Variants in EPM2A observed in about 807,000 individuals in gnomAD.
The protein encoded by EPM2A is laforin.
In EPM2A, 21 loss-of-function variants were observed where a neutral mutation model predicts 26.5. The observed-to-expected ratio is 0.79, with a 90% CI of 0.56 to 1.14. The LOEUF (loss-of-function observed/expected upper bound fraction) is 1.14. Among genes scored for constraint, EPM2A ranks in the 50% most tolerant of loss-of-function variants. The pLI, the probability that EPM2A is intolerant of heterozygous loss-of-function variation, is 0.00. For missense variants in EPM2A, 458 were observed against 440.8 expected (o/e 1.04, Z -0.35); for synonymous variants, 217 against 177.6 (o/e 1.22, Z -1.76).
intron 2 of EPM2A, among the ~76,000 whole-genome samples, chr6:145,517,708 C>A (rs1780148374): frequency 6.6e-6 from 1 of 152,126 alleles, no homozygotes; most frequent in East Asian, 1.9e-4. Context: ...AACAATGAAG[C>A]ACTAAGTGCA....
At chr6:145,386,907 TG>T (rs1448539698) in intron 4 of EPM2A, among the ~76,000 whole-genome samples, 3 of 152,206 alleles carry the variant, frequency 2.0e-5, no homozygotes, top group Non-Finnish European at 4.4e-5. Flanking sequence ...TAAAGTAGTC[TG>T]TTTTGTTTAA....
chr6:145,408,295 G>A (rs1238942784), intron 4 of EPM2A, among the ~76,000 whole-genome samples: 3 of 152,134 alleles, frequency 2.0e-5, no homozygotes, highest in African/African-American at 7.2e-5. Context: ...AGTAACAGCT[G>A]TACTACCCAG....
At position 145,627,508 on chromosome 6, in the gene EPM2A, C is replaced by A; in HGVS notation, c.904G>T (p.Ala302Ser). 1 of 1,614,266 alleles carries A rather than the reference C, an allele frequency of 6.2e-7. No homozygotes were observed. The highest frequency in any genetic ancestry group is 8.5e-7 in the Non-Finnish European group (1 of 1,180,040). ...VQYFLMAKRP[A>S]VYIDEEALAR... ...AAGGCCTCTTCGTCAATGTAGACAG[C>A]CGGCCTCTTGGCCATGAGGAAATAC... Residue 302 changes from alanine to serine, a missense_variant, in exon 4 of 4, where the codon GCT (alanine) becomes TCT (serine). Physicochemically the swap from Ala to Ser is moderately conservative, Grantham distance 99. Transcript: ENST00000367519.
At chr6:145,442,009 A>G (rs1430640375) in intron 4 of EPM2A, among the ~76,000 whole-genome samples, 2 of 152,236 alleles carry the variant, frequency 1.3e-5, no homozygotes, top group African/African-American at 4.8e-5. Context: ...ACAAATCTCT[A>G]GGGCAGGGGC....
At chr6:145,529,562 C>T (rs1362374844) in intron 2 of EPM2A, among the ~76,000 whole-genome samples, 4 of 152,162 alleles carry the variant, frequency 2.6e-5, no homozygotes, top group Non-Finnish European at 5.9e-5. Context: ...AGACATAATG[C>T]TATTACACAT....
intron 2 of EPM2A, among the ~76,000 whole-genome samples, chr6:145,663,705 A>G (rs1389522729): frequency 7.2e-6 from 1 of 138,926 alleles, no homozygotes; most frequent in Non-Finnish European, 1.5e-5. Context: ...TCCAAGACAC[A>G]TAATTGTCAG....
At chr6:145,423,280 T>C (rs548195249) in intron 4 of EPM2A, among the ~76,000 whole-genome samples, 1 of 152,300 alleles carries the variant, frequency 6.6e-6, no homozygotes, top group African/African-American at 2.4e-5. Flanking sequence ...GAGGCAGTAA[T>C]TTCTCAGCTT....
chr6:145,389,435 G>A (rs913131465), intron 4 of EPM2A, among the ~76,000 whole-genome samples: 1 of 151,984 alleles, frequency 6.6e-6, no homozygotes, highest in African/African-American at 2.4e-5. Flanking sequence ...CGGGTGATCT[G>A]CCTGCTTTGG....
intron 4 of EPM2A, among the ~76,000 whole-genome samples, chr6:145,458,418 C>A (rs1779288604): frequency 2.6e-5 from 4 of 152,146 alleles, no homozygotes; most frequent in South Asian, 2.1e-4. Flanking sequence ...CAGAGAACAA[C>A]CATTTTGGTT....
chr6:145,490,467 T>C lies in EPM2A; in HGVS notation c.555+12055A>G, dbSNP rs529552615. 8.3e-6 allele frequency: 6 copies of C among 722,480 alleles called. No individual in the cohort carries two copies. The East Asian group carries it at 1.6e-4, about 19-fold the overall frequency. The allele number at this position is 722,480 out of a possible 1,614,324, so 44.8% of individuals were successfully genotyped here. Reference sequence around the variant, plus strand: ...ATTCAAAAGGTTTTTCACCTGTATGTTTTCTAAGATGTTCTTTAAAATGTC... The same window carrying C: ...ATTCAAAAGGTTTTTCACCTGTATGCTTTCTAAGATGTTCTTTAAAATGTC... On this transcript the variant is annotated intron_variant, in intron 4 of 4. Coordinates refer to the EPM2A transcript ENST00000638717.
At chr6:145,733,400 T>C (rs1290779096) in intron 1 of EPM2A, among the ~76,000 whole-genome samples, 1 of 152,120 alleles carries the variant, frequency 6.6e-6, no homozygotes, top group Non-Finnish European at 1.5e-5. Context: ...GAGCATCCAG[T>C]AGGTGTCAAT....
intron 2 of EPM2A, among the ~76,000 whole-genome samples, chr6:145,528,216 C>G (rs530903808): frequency 6.6e-6 from 1 of 152,172 alleles, no homozygotes; most frequent in Non-Finnish European, 1.5e-5. Context: ...AATGAAGAAG[C>G]TAAAGCAAGT....
chr6:145,551,953 T>C (rs909690342), intron 2 of EPM2A, among the ~76,000 whole-genome samples: 2 of 151,752 alleles, frequency 1.3e-5, no homozygotes, highest in African/African-American at 4.8e-5. Context: ...CAAATAAAAT[T>C]ATATTTAGGT....
intron 2 of EPM2A, among the ~76,000 whole-genome samples, chr6:145,605,599 C>T (rs1006114617): frequency 7.2e-5 from 11 of 152,034 alleles, no homozygotes; most frequent in Non-Finnish European, 4.4e-5. Flanking sequence ...AGAGGTAGAC[C>T]AACCTCACTG....
At chr6:145,545,653 T>A (rs1298891979) in intron 2 of EPM2A, among the ~76,000 whole-genome samples, 2 of 152,126 alleles carry the variant, frequency 1.3e-5, no homozygotes. Flanking sequence ...CCTCTCCCCA[T>A]CCACCTTAAT....
downstream of EPM2A, among the ~76,000 whole-genome samples, chr6:145,496,728 A>ATGTTTTTCTGTTTTTT (rs779194973): frequency 9.4e-6 from 1 of 106,908 alleles, no homozygotes; most frequent in Non-Finnish European, 2.0e-5. Flanking sequence ...AGTTCCTGCA[A>ATGTTTTTCTGTTTTTT]TTTTTTTTTT....
intron 1 of EPM2A, among the ~76,000 whole-genome samples, chr6:145,719,513 C>T (rs1202054883): frequency 2.0e-5 from 3 of 151,476 alleles, no homozygotes; most frequent in African/African-American, 4.9e-5. Flanking sequence ...GGAAGATATA[C>T]CTAATGCTAG....
chr6:145,388,235 A>G (rs12664698), intron 4 of EPM2A, among the ~76,000 whole-genome samples: 40,186 of 152,002 alleles, frequency 0.26, 5,683 homozygotes, highest in Non-Finnish European at 0.32. Flanking sequence ...CCACTTCACT[A>G]CTAGTAAAAG....
Position 145,709,766 on chromosome 6 carries a change from T to A in EPM2A, c.302-23470A>T, listed in dbSNP as rs571960677. 4.4e-4 allele frequency among the ~76,000 whole-genome samples: 67 copies of A among 152,202 alleles called. 1 individual carries two copies. The highest frequency in any genetic ancestry group is 8.4e-4 in the Non-Finnish European group (57 of 67,992). On this transcript the variant is annotated intron_variant, in intron 1 of 3. Transcript: ENST00000367519. ...AAACACAAAGTAGTTCCTGTAGAAG[T>A]TCTTTAGATCATGTAGAAGACATAA...
Sources: gnomAD v4.1 joint callset for allele counts (sites outside exome capture counted in the v4.1 genomes callset) on GRCh38, gnomAD v4.1.1 for gene constraint, MANE v1.5 for transcripts, NCBI Gene and HGNC (gene_info 2026-07-23, HGNC 2026-07-21) for gene names.